Variants in TSPAN15 observed in about 807,000 individuals in gnomAD.
TSPAN15 encodes tetraspanin-15.
In TSPAN15, 20 loss-of-function variants were observed where a neutral mutation model predicts 34.5. That is an observed-to-expected ratio of 0.58 (90% CI 0.41 to 0.84). The LOEUF (loss-of-function observed/expected upper bound fraction) is 0.84, where lower values mean the gene tolerates loss of function less well. Among genes scored for constraint, TSPAN15 ranks in the 40% least tolerant of loss-of-function variants. The pLI, the probability that TSPAN15 is intolerant of heterozygous loss-of-function variation, is 0.00. For missense variants in TSPAN15, 313 were observed against 386.1 expected, an observed-to-expected ratio of 0.81 and a Z score of 1.59; for synonymous variants, 155 against 153.9, an observed-to-expected ratio of 1.01 and a Z score of -0.05.
At chr10:69,455,335 CTA>C (rs556385355) in intron 1 of TSPAN15, among the ~76,000 whole-genome samples, 135 of 151,496 alleles carry the variant, frequency 8.9e-4, no homozygotes, top group African/African-American at 3.1e-3. Flanking sequence ...AGGTAGCACA[CTA>C]TACACAGAAC....
intron 2 of TSPAN15, chr10:69,484,131 A>AAAACC: frequency 2.5e-6 from 1 of 407,736 alleles, no homozygotes; most frequent in East Asian, 3.6e-5. Context: ...GCGAGTAGGA[A>AAAACC]AAACCACACT....
At chr10:69,516,538 TG>T in the TSPAN15 span, among the ~76,000 whole-genome samples, 1 of 152,026 alleles carries the variant, frequency 6.6e-6, no homozygotes, top group Non-Finnish European at 1.5e-5. Flanking sequence ...GAATGAGAAG[TG>T]GGAGTACTAG....
At chr10:69,496,570 G>C (rs1842090168) in intron 4 of TSPAN15, among the ~76,000 whole-genome samples, 1 of 152,152 alleles carries the variant, frequency 6.6e-6, no homozygotes. Flanking sequence ...AGTGCCAGCT[G>C]TGGGGATCAT....
intron 1 of TSPAN15, among the ~76,000 whole-genome samples, chr10:69,471,009 T>G (rs1241925501): frequency 6.6e-6 from 1 of 152,176 alleles, no homozygotes; most frequent in African/African-American, 2.4e-5. Flanking sequence ...TGCTCACATG[T>G]CACCCTCCCT....
At chr10:69,484,193 T>C (rs1841799970) in intron 2 of TSPAN15, 2 of 240,278 alleles carry the variant, frequency 8.3e-6, no homozygotes, top group Non-Finnish European at 1.6e-5. Context: ...AGTCATTAGC[T>C]CATGCAACCA....
At chr10:69,516,950 C>T in the TSPAN15 span, among the ~76,000 whole-genome samples, 1 of 152,164 alleles carries the variant, frequency 6.6e-6, no homozygotes, top group African/African-American at 2.4e-5. Flanking sequence ...TCTGGGCCCC[C>T]AGGACTCAGT....
At chr10:69,479,862 G>A (rs997273245) in intron 1 of TSPAN15, among the ~76,000 whole-genome samples, 2 of 152,208 alleles carry the variant, frequency 1.3e-5, no homozygotes, top group African/African-American at 4.8e-5. Context: ...CCAGGCTGCT[G>A]GGAGGGTTGG....
At chr10:69,533,494 A>G in the TSPAN15 span, among the ~76,000 whole-genome samples, 3 of 152,170 alleles carry the variant, frequency 2.0e-5, no homozygotes, top group African/African-American at 7.2e-5. Context: ...GAATGATACA[A>G]TGGACTTTGG....
intron 4 of TSPAN15, among the ~76,000 whole-genome samples, chr10:69,496,320 C>CAATAAT (rs3028371): frequency 0.084 from 11,055 of 132,316 alleles, 517 homozygotes; most frequent in African/African-American, 0.13. Context: ...TCTGTTGGTG[C>CAATAAT]AATAATAATA....
At position 69,506,042 on chromosome 10, in the gene TSPAN15, C is replaced by A; in HGVS notation, c.619-82C>A. The A allele has an allele frequency of 8.4e-7, 1 of 1,184,684 alleles. No homozygotes were observed. The highest frequency in any genetic ancestry group is 1.2e-6 in the Non-Finnish European group (1 of 804,818). 73.4% of individuals were successfully genotyped at this position (1,184,684 alleles called of 1,614,324 possible). A position where few individuals can be genotyped will look rare whatever the true frequency, so the allele number is the denominator to read the frequency against. On this transcript the variant is annotated intron_variant, in intron 6 of 7. Transcript: ENST00000373290. This position sits in a 1 kb window ranked among gnomAD's most constrained non-coding sequence, Gnocchi z 4.7. The stretch of plus-strand genomic sequence containing the variant: ...CAGCGGTTGAGGGACTAGCCTGGAC[C>A]TTGTGTACATGGCAGAGTCGGGGCT...
intron 1 of TSPAN15, among the ~76,000 whole-genome samples, chr10:69,454,987 A>G (rs1841052891): frequency 6.6e-6 from 1 of 151,894 alleles, no homozygotes; most frequent in African/African-American, 2.4e-5. Flanking sequence ...ACATGGCGGA[A>G]CCCCGTCTTT....
intron 3 of TSPAN15, among the ~76,000 whole-genome samples, chr10:69,485,672 T>C (rs1292528445): frequency 6.6e-6 from 1 of 152,054 alleles, no homozygotes; most frequent in African/African-American, 2.4e-5. Context: ...GAGAGTCTTA[T>C]GTGGGAAGCG....
chr10:69,473,701 G>A (rs1345768740), intron 1 of TSPAN15, among the ~76,000 whole-genome samples: 1 of 152,104 alleles, frequency 6.6e-6, no homozygotes, highest in East Asian at 1.9e-4. Context: ...TGGGATTGGA[G>A]CCTAGGGTGC....
At chr10:69,457,116 C>T (rs1314741840) in intron 1 of TSPAN15, among the ~76,000 whole-genome samples, 1 of 152,230 alleles carries the variant, frequency 6.6e-6, no homozygotes, top group Non-Finnish European at 1.5e-5. Flanking sequence ...CTAATTTTAG[C>T]ACTGCCCACG....
At position 69,507,433 on chromosome 10, in the gene TSPAN15, C is replaced by T. The variant is rs1252793979; in HGVS notation, c.*455C>T. 8 of 1,288,280 alleles carry T rather than the reference C, an allele frequency of 6.2e-6. No homozygotes were observed. Among genetic ancestry groups the T allele is most frequent in the Non-Finnish European group, 8.1e-6 (8 of 984,110 alleles). 79.8% of individuals were successfully genotyped at this position (1,288,280 alleles called of 1,614,324 possible). ...GGGAAGAGCTGTCCATGCAGCCACG[C>T]CCATGGCCAGGTTGGCCTCTTCTCA... is the stretch of plus-strand genomic sequence containing the variant. On this transcript the variant is annotated 3_prime_UTR_variant, in exon 8 of 8. Transcript: ENST00000373290.
intron 1 of TSPAN15, among the ~76,000 whole-genome samples, chr10:69,455,666 TG>T (rs1841090661): frequency 1.4e-5 from 2 of 138,866 alleles, no homozygotes; most frequent in Non-Finnish European, 3.1e-5. Context: ...TTTCTTTCAC[TG>T]AGAACAGTGA....
chr10:69,523,468 C>A, the TSPAN15 span: 7 of 540,756 alleles, frequency 1.3e-5, no homozygotes, highest in Non-Finnish European at 2.1e-5. Context: ...GGGCTTTCTG[C>A]AAGAGGGCAC....
chr10:69,494,961 C>T (rs1022077910), intron 3 of TSPAN15: 4 of 768,790 alleles, frequency 5.2e-6, no homozygotes, highest in Non-Finnish European at 6.3e-6. Flanking sequence ...CCATGTTCCT[C>T]CCGGCAGGGA....
At chr10:69,467,312 G>T (rs1841405280) in intron 1 of TSPAN15, among the ~76,000 whole-genome samples, 1 of 152,126 alleles carries the variant, frequency 6.6e-6, no homozygotes, top group Non-Finnish European at 1.5e-5. Flanking sequence ...TCTGGTTTGG[G>T]CATTAATTCC....
Sources: gnomAD v4.1 joint callset for allele counts (sites outside exome capture counted in the v4.1 genomes callset) on GRCh38, gnomAD v4.1.1 for gene constraint, Gnocchi (gnomAD v3.1) non-coding constraint, MANE v1.5 for transcripts, NCBI Gene and HGNC (gene_info 2026-07-23, HGNC 2026-07-21) for gene names.